ZNF277: variants seen among roughly 807,000 people sequenced by gnomAD.
ZNF277 encodes zinc finger protein 277, also known as nuclear receptor-interacting factor 4.
Under a neutral mutation model 60.7 loss-of-function variants are expected in ZNF277, and 55 were observed. That is an observed-to-expected ratio of 0.91 (90% CI 0.73 to 1.13). ZNF277 has a LOEUF of 1.13. Among genes scored for constraint, ZNF277 ranks in the 50% most tolerant of loss-of-function variants. ZNF277 has a pLI of 0.00. For synonymous variants in ZNF277, 178 were observed against 179.3 expected (o/e 0.99, Z 0.06); for missense variants, 510 against 523.0 (o/e 0.98, Z 0.24).
At position 112,208,674 on chromosome 7, in the gene ZNF277, A is replaced by T. The variant is rs1179295724; in HGVS notation, c.91+1867A>T. On this transcript the variant is annotated intron_variant, in intron 1 of 11. Transcript: ENST00000361822. Reference sequence around the variant, plus strand: ...ATATGACACACGTCTGTATGATTTGATTTTTTTTTTTTTTTTTTTTTTTTG... The same window carrying T: ...ATATGACACACGTCTGTATGATTTGTTTTTTTTTTTTTTTTTTTTTTTTTG... Among the ~76,000 whole-genome samples the T allele has an allele frequency of 2.8e-3, 202 of 72,780 alleles. No homozygotes were observed. In the Middle Eastern group the frequency reaches 0.065, roughly 23 times the overall value. 47.7% of individuals were successfully genotyped at this position (72,780 alleles called of 152,430 possible).
At chr7:112,207,612 A>G (rs1433183181) in intron 1 of ZNF277, among the ~76,000 whole-genome samples, 1 of 152,184 alleles carries the variant, frequency 6.6e-6, no homozygotes, top group Non-Finnish European at 1.5e-5. Context: ...GATTGTGTTT[A>G]GGACTCTTTT....
intron 11 of ZNF277, 91 bp from the exon 12 acceptor site, chr7:112,342,470 C>T: frequency 8.6e-7 from 1 of 1,157,458 alleles, no homozygotes; most frequent in Non-Finnish European, 1.2e-6. Flanking sequence ...GCAAGGATAC[C>T]TGACAAAATT....
chr7:112,322,414 G>C (rs1211583745), intron 5 of ZNF277, among the ~76,000 whole-genome samples: 1 of 151,472 alleles, frequency 6.6e-6, no homozygotes, highest in African/African-American at 2.4e-5. Flanking sequence ...CAAATTCATT[G>C]ATTTTTACTT....
intron 4 of ZNF277, among the ~76,000 whole-genome samples, chr7:112,305,061 C>T (rs1255254746): frequency 2.6e-5 from 4 of 152,044 alleles, no homozygotes; most frequent in African/African-American, 7.2e-5. Context: ...TTAAGGACTT[C>T]GCACTTGCTG....
In ZNF277 at chr7:112,327,724, A is replaced by C; in HGVS notation, c.565A>C (p.Ile189Leu). ...GCTCAAATTTCTTCCTAGATCTGTT[A>C]TTTTGAACCACATGGCCAGAGAACA... Reference protein sequence around the residue: ...NEEFLGNRSVILNHMAREHAF... With the variant: ...NEEFLGNRSVLLNHMAREHAF... The change falls in exon 6 of 12, where the codon ATT (isoleucine) becomes CTT (leucine). Residue 189 changes from isoleucine (I) to leucine (L), a missense_variant. Physicochemically the swap from Ile to Leu is conservative, Grantham distance 5. Transcript: ENST00000361822. 6.2e-7 allele frequency: 1 copy of C among 1,610,666 alleles called. No individual in the cohort carries two copies. The highest frequency in any genetic ancestry group is 8.5e-7 in the Non-Finnish European group (1 of 1,178,982).
intron 9 of ZNF277, among the ~76,000 whole-genome samples, chr7:112,339,306 A>T (rs1431340194): frequency 2.0e-5 from 3 of 152,230 alleles, no homozygotes. Flanking sequence ...GATATAAGCT[A>T]TGAGCAATTA....
chr7:112,278,171 C>T (rs1326155838), intron 1 of ZNF277, among the ~76,000 whole-genome samples: 1 of 152,104 alleles, frequency 6.6e-6, no homozygotes, highest in African/African-American at 2.4e-5. Flanking sequence ...ATTTAATGTT[C>T]TGCAGAAATA....
intron 1 of ZNF277, among the ~76,000 whole-genome samples, chr7:112,243,098 A>T (rs901149625): frequency 2.0e-5 from 3 of 151,976 alleles, no homozygotes; most frequent in African/African-American, 7.2e-5. Flanking sequence ...GATCTATGGT[A>T]ACAATGCTGG....
intron 1 of ZNF277, among the ~76,000 whole-genome samples, chr7:112,231,975 T>C (rs953565661): frequency 2.0e-5 from 3 of 150,584 alleles, no homozygotes; most frequent in African/African-American, 4.9e-5. Context: ...TTTTTTTGTT[T>C]TCTCCAATTA....
chr7:112,276,901 C>T (rs1278063270), intron 1 of ZNF277, among the ~76,000 whole-genome samples: 1 of 151,954 alleles, frequency 6.6e-6, no homozygotes, highest in Non-Finnish European at 1.5e-5. Context: ...ATGAGAATAA[C>T]CAGAATGATG....
chr7:112,262,987 A>G (rs1425737033), intron 1 of ZNF277, among the ~76,000 whole-genome samples: 1 of 152,174 alleles, frequency 6.6e-6, no homozygotes, highest in African/African-American at 2.4e-5. Flanking sequence ...TTGCTCAGGG[A>G]GTGTATTATG....
At chr7:112,208,587 C>A (rs1381910330) in intron 1 of ZNF277, among the ~76,000 whole-genome samples, 5 of 111,688 alleles carry the variant, frequency 4.5e-5, no homozygotes, top group Non-Finnish European at 8.3e-5. Context: ...CCAACATATT[C>A]TTCTTCTTCT....
chr7:112,208,720 A>G (rs1024381267), intron 1 of ZNF277, among the ~76,000 whole-genome samples: 2 of 109,028 alleles, frequency 1.8e-5, no homozygotes, highest in African/African-American at 7.2e-5. Flanking sequence ...TCGCTTTGTC[A>G]ACCAGGCTGG....
intron 5 of ZNF277, among the ~76,000 whole-genome samples, chr7:112,324,479 A>T (rs1012189985): frequency 2.0e-4 from 31 of 152,332 alleles, no homozygotes; most frequent in African/African-American, 7.2e-4. Context: ...GTAATTCAGC[A>T]ATTTGAGGAA....
chr7:112,263,285 C>T (rs1791475175), intron 1 of ZNF277, among the ~76,000 whole-genome samples: 1 of 152,090 alleles, frequency 6.6e-6, no homozygotes, highest in Non-Finnish European at 1.5e-5. Context: ...GATTGGGTCC[C>T]ATTAGCTATG....
chr7:112,231,179 A>G, intron 1 of ZNF277, among the ~76,000 whole-genome samples: 1 of 149,386 alleles, frequency 6.7e-6, no homozygotes, highest in East Asian at 2.0e-4. Context: ...GCGCCATTGC[A>G]CTCCAGCCTG....
At chr7:112,330,962 A>G (rs1031168229) in intron 7 of ZNF277, among the ~76,000 whole-genome samples, 5 of 152,040 alleles carry the variant, frequency 3.3e-5, no homozygotes, top group Non-Finnish European at 5.9e-5. Flanking sequence ...ATAATTCTTT[A>G]AAAACAATCT....
chr7:112,296,886 T>C (rs1464191440), intron 4 of ZNF277, among the ~76,000 whole-genome samples: 1 of 126,468 alleles, frequency 7.9e-6, no homozygotes, highest in Admixed American at 8.9e-5. Flanking sequence ...TTCTTATTTT[T>C]ATTTTATTTA....
chr7:112,336,019 T>C (rs1793322950), intron 7 of ZNF277, 85 bp from the exon 8 acceptor site: 1 of 1,138,516 alleles, frequency 8.8e-7, no homozygotes. Context: ...TTTATTTTTT[T>C]GGTTTTGATT....
Sources: gnomAD v4.1 joint callset for allele counts (sites outside exome capture counted in the v4.1 genomes callset) on GRCh38, gnomAD v4.1.1 for gene constraint, MANE v1.5 for transcripts, NCBI Gene and HGNC (gene_info 2026-07-23, HGNC 2026-07-21) for gene names.